The following EDA variants were observed in gnomAD, a reference collection of about 807,000 sequenced individuals.
EDA encodes the protein ectodysplasin-A.
EDA carries 2 observed loss-of-function variants against 23.6 expected under a neutral mutation model. That is an observed-to-expected ratio of 0.08 (90% CI 0.03 to 0.27). The LOEUF (loss-of-function observed/expected upper bound fraction) is 0.27. Ranked by LOEUF, EDA falls within the 10% of genes least tolerant of loss-of-function variation. The probability of loss-of-function intolerance (pLI) is 1.00; values close to 1 mark genes in which losing one functional copy is unlikely to be tolerated. For missense variants in EDA, 229 were observed against 324.2 expected, an observed-to-expected ratio of 0.71 and a Z score of 2.26; for synonymous variants, 131 against 132.0, an observed-to-expected ratio of 0.99 and a Z score of 0.05.
intron 1 of EDA, among the ~76,000 whole-genome samples, chrX:69,763,631 T>C (rs2014378913): frequency 8.9e-6 from 1 of 112,050 alleles, no homozygotes; most frequent in Non-Finnish European, 1.9e-5. Flanking sequence ...GAATAAACAA[T>C]CAGTGGCTTG....
intron 2 of EDA, among the ~76,000 whole-genome samples, chrX:69,999,614 C>T (rs2019710809): frequency 1.7e-5 from 1 of 60,470 alleles, no homozygotes; most frequent in African/African-American, 6.6e-5. Context: ...GAGACTCTGT[C>T]TCAGAGAAAA....
intron 2 of EDA, among the ~76,000 whole-genome samples, chrX:69,966,988 AT>A (rs776311385): frequency 1.8e-4 from 20 of 109,852 alleles, no homozygotes; most frequent in African/African-American, 6.3e-4. Context: ...ATATATATAT[AT>A]AAACATAGGA....
intron 2 of EDA, among the ~76,000 whole-genome samples, chrX:69,981,554 A>T (rs1325141938): frequency 9.0e-6 from 1 of 111,344 alleles, no homozygotes; most frequent in African/African-American, 3.3e-5. Context: ...AAAGGGGTTA[A>T]ATTGAAGGCA....
At chrX:69,998,755 T>G (rs181988449) in intron 2 of EDA, among the ~76,000 whole-genome samples, 1 of 111,686 alleles carries the variant, frequency 9.0e-6, no homozygotes, top group East Asian at 2.8e-4. Context: ...TGGTAGTGAA[T>G]AAGTCTCACA....
chrX:69,901,057 T>C (rs2018091619), intron 1 of EDA, among the ~76,000 whole-genome samples: 1 of 111,619 alleles, frequency 9.0e-6, no homozygotes, highest in Non-Finnish European at 1.9e-5. Context: ...TTAGTAGTTA[T>C]TTTAGAAATA....
chrX:69,926,532 C>T (rs5936521), intron 1 of EDA, among the ~76,000 whole-genome samples: 22,921 of 110,747 alleles, frequency 0.21, 1,801 homozygotes, highest in African/African-American at 0.25. Context: ...CTGTTTGTTA[C>T]GATGTCAGTT....
intron 2 of EDA, among the ~76,000 whole-genome samples, chrX:70,004,391 C>A (rs749008789): frequency 3.6e-5 from 4 of 111,784 alleles, no homozygotes; most frequent in Non-Finnish European, 7.5e-5. Flanking sequence ...TTGCAAACCC[C>A]TACCTTTTCT....
At chrX:69,862,674 G>C (rs953518732) in intron 1 of EDA, among the ~76,000 whole-genome samples, 11 of 110,892 alleles carry the variant, frequency 9.9e-5, no homozygotes, top group Non-Finnish European at 2.1e-4. Context: ...CAAACTTCTG[G>C]CCTGAGCAAA....
intron 1 of EDA, among the ~76,000 whole-genome samples, chrX:69,709,845 T>C (rs1228552675): frequency 2.9e-5 from 3 of 102,907 alleles, no homozygotes; most frequent in East Asian, 2.9e-4. Flanking sequence ...TTGTAGATTC[T>C]TTTTTTTTTC....
At chrX:69,734,571 A>T (rs1413794391) in intron 1 of EDA, among the ~76,000 whole-genome samples, 2 of 110,890 alleles carry the variant, frequency 1.8e-5, no homozygotes, top group Non-Finnish European at 3.8e-5. Flanking sequence ...TGATGCTGTC[A>T]TTTTTTTCTG....
chrX:69,703,978 T>C (rs2011616834), intron 1 of EDA, among the ~76,000 whole-genome samples: 1 of 112,325 alleles, frequency 8.9e-6, no homozygotes, highest in Admixed American at 9.4e-5. Context: ...AACAACATAG[T>C]ATATATAGAG....
chrX:69,836,219 C>T (rs2016770055), intron 1 of EDA, among the ~76,000 whole-genome samples: 1 of 112,549 alleles, frequency 8.9e-6, no homozygotes, highest in Non-Finnish European at 1.9e-5. Context: ...GCAGTCTGTC[C>T]ATTCTCAGAG....
chrX:69,644,298 GTTC>G (rs1449891139), intron 1 of EDA, among the ~76,000 whole-genome samples: 1 of 110,602 alleles, frequency 9.0e-6, no homozygotes, highest in Non-Finnish European at 1.9e-5. Context: ...GTGGTCTGTA[GTTC>G]TTCTTGAAGA....
At chrX:69,961,737 G>C (rs781276783) in intron 2 of EDA, among the ~76,000 whole-genome samples, 4 of 112,361 alleles carry the variant, frequency 3.6e-5, no homozygotes, top group African/African-American at 1.3e-4. Flanking sequence ...TCACTGACTT[G>C]AGTTGGCCAG....
chrX:69,772,835 A>G lies in EDA; in HGVS notation c.396+156131A>G, dbSNP rs191879174. ...ATTTCATTCTTTTTTATGGCTGTGT[A>G]TTATTCCATAGTGTATATTGACTAC... On this transcript the variant is annotated intron_variant, in intron 1 of 7. Coordinates refer to ENST00000374552, the MANE Select transcript of EDA (RefSeq NM_001399.5). Among the ~76,000 whole-genome samples, 1,024 of 111,682 alleles carry G rather than the reference A, an allele frequency of 9.2e-3. 22 individuals are homozygous for G. The highest frequency in any genetic ancestry group is 0.065 in the Admixed American group (685 of 10,488).
chrX:69,964,653 A>C (rs954158050), intron 2 of EDA, among the ~76,000 whole-genome samples: 1 of 111,975 alleles, frequency 8.9e-6, no homozygotes, highest in Non-Finnish European at 1.9e-5. Context: ...GATTAAGTGC[A>C]TGCAAATGGT....
chrX:69,738,433 G>A (rs1324442421), intron 1 of EDA, among the ~76,000 whole-genome samples: 1 of 108,457 alleles, frequency 9.2e-6, no homozygotes, highest in African/African-American at 3.3e-5. Flanking sequence ...CAATTTTGTA[G>A]ATCTTTTCAA....
At chrX:69,651,556 GAA>G (rs892695957) in intron 1 of EDA, among the ~76,000 whole-genome samples, 1 of 111,257 alleles carries the variant, frequency 9.0e-6, no homozygotes, top group African/African-American at 3.3e-5. Flanking sequence ...TAGTTTTGAT[GAA>G]GTTTGCTTCT....
chrX:69,729,496 A>G (rs1221281490), intron 1 of EDA, among the ~76,000 whole-genome samples: 1 of 111,659 alleles, frequency 9.0e-6, no homozygotes, highest in Non-Finnish European at 1.9e-5. Flanking sequence ...ATAAACCACT[A>G]TCAATCTCTG....
Sources: gnomAD v4.1 joint callset for allele counts (sites outside exome capture counted in the v4.1 genomes callset) on GRCh38, gnomAD v4.1.1 for gene constraint, MANE v1.5 for transcripts, NCBI Gene and HGNC (gene_info 2026-07-23, HGNC 2026-07-21) for gene names.